The following FXYD3 variants were observed in gnomAD, a reference collection of about 807,000 sequenced individuals.
FXYD3 encodes FXYD domain-containing ion transport regulator 3.
In FXYD3, 13 loss-of-function variants were observed where a neutral mutation model predicts 19.2. The ratio of observed to expected loss-of-function variants is 0.68; its 90% CI spans 0.44 to 1.08. FXYD3 has a LOEUF of 1.08. Among genes scored for constraint, FXYD3 ranks in the 50% least tolerant of loss-of-function variants. The pLI is 0.00. For synonymous variants in FXYD3, 48 were observed against 38.9 expected, an observed-to-expected ratio of 1.23 and a Z score of -0.87; for missense variants, 101 against 109.4, an observed-to-expected ratio of 0.92 and a Z score of 0.34.
rs1021577284 is a variant in FXYD3, at chr19:35,123,130, A to G, written c.210-141A>G. On this transcript the variant is annotated intron_variant, in intron 7 of 8. Coordinates refer to ENST00000604404, the MANE Select transcript of FXYD3 (RefSeq NM_005971.4). ...TCCCCAGGGGGCCCCAAATCCTGAAATGCTTTGGCCCCTGGGATTGCACAA... is the reference window on the plus strand; with the variant it reads ...TCCCCAGGGGGCCCCAAATCCTGAAGTGCTTTGGCCCCTGGGATTGCACAA... 4.1e-6 allele frequency: 6 copies of G among 1,473,640 alleles called. No individual in the cohort carries two copies. In the African/African-American group the frequency reaches 8.5e-5, roughly 21 times the overall value. The allele number at this position is 1,473,640 out of a possible 1,614,324, so 91.3% of individuals were successfully genotyped here.
chr19:35,123,115 G>C, intron 7 of FXYD3, 156 bp from the exon 8 acceptor site: 1 of 1,462,586 alleles, frequency 6.8e-7, no homozygotes, highest in Non-Finnish European at 9.0e-7. Flanking sequence ...TCCCCAGGGG[G>C]CCCCAAATCC....
At chr19:35,116,877 A>T (rs2064900841) in intron 2 of FXYD3, 1 of 934,238 alleles carries the variant, frequency 1.1e-6, no homozygotes. Flanking sequence ...GGAAAAAAGG[A>T]TGGAGCTGCT....
At chr19:35,123,344 G>C (rs921936) in intron 8 of FXYD3, 36 bp downstream of exon 8, 2 of 1,604,946 alleles carry the variant, frequency 1.2e-6, no homozygotes, top group Non-Finnish European at 8.5e-7. Flanking sequence ...GGGGAACACG[G>C]AAGTGGTGTG....
chr19:35,121,428 T>C, intron 5 of FXYD3, 183 bp downstream of exon 5: 12 of 1,523,018 alleles, frequency 7.9e-6, no homozygotes, highest in Non-Finnish European at 1.1e-5. Flanking sequence ...ACCTGGCCTT[T>C]GGGAAGGTTC....
chr19:35,116,861 C>T (rs1431318252), intron 2 of FXYD3: 3 of 858,942 alleles, frequency 3.5e-6, no homozygotes, highest in East Asian at 2.3e-4. Context: ...ATTCTGGAGA[C>T]CTCCAGGAAA....
intron 1 of FXYD3, 145 bp downstream of exon 1, chr19:35,116,104 G>C: frequency 3.0e-6 from 1 of 336,212 alleles, no homozygotes; most frequent in East Asian, 1.7e-4. Flanking sequence ...CCGAGTTCCA[G>C]CCCATCCAAT....
intron 5 of FXYD3, chr19:35,121,600 C>G: frequency 7.9e-7 from 1 of 1,264,830 alleles, no homozygotes; most frequent in Non-Finnish European, 1.0e-6. Flanking sequence ...TTCCAATGAC[C>G]TGCTCCCTAC....
Position 35,116,337 on chromosome 19 carries a change from G to A in FXYD3, c.-37G>A. 1.0e-6 allele frequency: 1 copy of A among 985,478 alleles called. No homozygotes were observed. The highest frequency in any genetic ancestry group is 1.2e-6 in the Non-Finnish European group (1 of 829,970). The allele number at this position is 985,478 out of a possible 1,614,324, so 61.0% of individuals were successfully genotyped here. A position where few individuals can be genotyped will look rare whatever the true frequency, so the allele number is the denominator to read the frequency against. ...CAGCCCGATTTCTCCCGGAACCTCT[G>A]CTCAGCCTGGTGAACCACACAGGTG... is the stretch of plus-strand genomic sequence containing the variant. On this transcript the variant is annotated 5_prime_UTR_variant, in exon 2 of 9. Coordinates refer to ENST00000604404, the MANE Select transcript of FXYD3 (RefSeq NM_005971.4).
chr19:35,121,011 G>A, intron 3 of FXYD3, 67 bp from the exon 4 acceptor site: 2 of 1,591,342 alleles, frequency 1.3e-6, no homozygotes, highest in Non-Finnish European at 1.7e-6. Context: ...AACTCCCCAG[G>A]CCCTGCCCAA....
rs1249083660 is a variant in FXYD3 at position 35,119,373 on chromosome 19, T to C, written c.-4T>C. 2.5e-6 allele frequency: 4 copies of C among 1,614,044 alleles called. 1 individual carries two copies. The highest frequency in any genetic ancestry group is 1.3e-5 in the African/African-American group (1 of 74,942). On this transcript the variant is annotated 5_prime_UTR_variant, in exon 3 of 9. Coordinates refer to ENST00000604404, the MANE Select transcript of FXYD3 (RefSeq NM_005971.4). ...CCGCCACCCCTCTAGGCCAGCGCTCTGACATGCAGAAGGTGACCCTGGGCC... is the reference window on the plus strand; with the variant it reads ...CCGCCACCCCTCTAGGCCAGCGCTCCGACATGCAGAAGGTGACCCTGGGCC...
In FXYD3 at chr19:35,123,491, C is replaced by G. The variant is rs749200117; in HGVS notation, c.*34C>G. 6 of 1,612,416 alleles carry G rather than the reference C, an allele frequency of 3.7e-6. No homozygotes were observed. The highest frequency in any genetic ancestry group is 3.3e-5 in the Admixed American group (2 of 59,986). On this transcript the variant is annotated 3_prime_UTR_variant, in exon 9 of 9. Transcript: ENST00000604404. ...GACCAGCTGAAATTGGGTGGAGGAC[C>G]GTTCTCTGTCCCCAGGTCCTGTCTC...
rs546736388 is a variant in FXYD3, at chr19:35,123,966, G to A, written c.*509G>A. The A allele has an allele frequency of 2.4e-5, 4 of 170,128 alleles. No individual in the cohort carries two copies. The highest frequency in any genetic ancestry group is 1.7e-4 in the Admixed American group (3 of 18,078). The allele number at this position is 170,128 out of a possible 1,614,324, so 10.5% of individuals were successfully genotyped here. A position where few individuals can be genotyped will look rare whatever the true frequency, so the allele number is the denominator to read the frequency against. On this transcript the variant is annotated 3_prime_UTR_variant, in exon 9 of 9. Coordinates refer to ENST00000604404, the MANE Select transcript of FXYD3 (RefSeq NM_005971.4). ...TCCAGGAAAACTGGGACATAGGATC[G>A]TCCCGCTATGATGGAAGTGTTCAGA...
Position 35,118,645 on chromosome 19 carries a change from G to A in FXYD3, c.-14-718G>A, listed in dbSNP as rs945672706. 1.6e-4 allele frequency: 145 copies of A among 912,146 alleles called. 1 individual carries two copies. The highest frequency in any genetic ancestry group is 1.9e-4 in the Non-Finnish European group (141 of 758,536). The allele number at this position is 912,146 out of a possible 1,614,324, so 56.5% of individuals were successfully genotyped here. ...GGGGACCCCGGCTAGGCAGAGCCAG[G>A]GCTGGGACCGGGAAGGGCATGGGTG... On this transcript the variant is annotated intron_variant, in intron 2 of 8. Coordinates refer to ENST00000604404, the MANE Select transcript of FXYD3 (RefSeq NM_005971.4).
intron 2 of FXYD3, chr19:35,118,452 C>A: frequency 1.0e-6 from 1 of 989,214 alleles, no homozygotes; most frequent in Non-Finnish European, 1.2e-6. Context: ...TGCTCGGAGG[C>A]CAGGGCTTGG....
Position 35,119,089 on chromosome 19 carries a change from C to T in FXYD3, c.-14-274C>T, listed in dbSNP as rs375704691. 42 of 1,005,338 alleles carry T rather than the reference C, an allele frequency of 4.2e-5. 2 individuals are homozygous for T. The highest frequency in any genetic ancestry group is 1.8e-4 in the East Asian group (7 of 38,470). 62.3% of individuals were successfully genotyped at this position (1,005,338 alleles called of 1,614,324 possible). ...GTGAGGACAACAGCGGGCAGTGGCG[C>T]CCTTGTTTGGTTGCGGGGCGATTCC... On this transcript the variant is annotated intron_variant, in intron 2 of 8. Transcript: ENST00000604404.
chr19:35,123,001 T>C, intron 7 of FXYD3, 47 bp downstream of exon 7: 2 of 1,537,704 alleles, frequency 1.3e-6, no homozygotes, highest in Non-Finnish European at 1.8e-6. Context: ...CTGGACGCTT[T>C]TCAGGGTGAA....
intron 2 of FXYD3, chr19:35,116,973 A>C: frequency 5.1e-6 from 5 of 985,174 alleles, no homozygotes; most frequent in Non-Finnish European, 6.0e-6. Flanking sequence ...TGAACATGAG[A>C]CCATTCTCCC....
At chr19:35,117,383 G>A in intron 2 of FXYD3, 1 of 1,480,192 alleles carries the variant, frequency 6.8e-7, no homozygotes. Context: ...TAAGAGGTGA[G>A]ACTCAACAGC....
chr19:35,117,024 G>A, intron 2 of FXYD3: 1 of 985,376 alleles, frequency 1.0e-6, no homozygotes, highest in South Asian at 4.7e-5. Flanking sequence ...GGGCAGGTGG[G>A]GGAAACAGTC....
Sources: gnomAD v4.1 joint callset for allele counts on GRCh38, gnomAD v4.1.1 for gene constraint, MANE v1.5 for transcripts, NCBI Gene and HGNC (gene_info 2026-07-23, HGNC 2026-07-21) for gene names.